AFF3: variants seen among roughly 807,000 people sequenced by gnomAD.
The protein encoded by AFF3 is AF4/FMR2 family member 3.
Under a neutral mutation model 129.7 loss-of-function variants are expected in AFF3, and 32 were observed. The ratio of observed to expected loss-of-function variants is 0.25; its 90% CI spans 0.19 to 0.33. AFF3 has a LOEUF of 0.33. Ranked by LOEUF, AFF3 falls within the 10% of genes least tolerant of loss-of-function variation. AFF3 has a pLI of 1.00. For synonymous variants in AFF3, 644 were observed against 635.4 expected (o/e 1.01, Z -0.20); for missense variants, 1,373 against 1,592.0 (o/e 0.86, Z 2.34).
chr2:99,737,261 T>G (rs1453830647), intron 10 of AFF3, among the ~76,000 whole-genome samples: 1 of 152,168 alleles, frequency 6.6e-6, no homozygotes, highest in Non-Finnish European at 1.5e-5. Context: ...TAACAATATA[T>G]TATTACTGGT....
chr2:100,043,275 G>A (rs933204185), intron 4 of AFF3, among the ~76,000 whole-genome samples: 6 of 152,252 alleles, frequency 3.9e-5, no homozygotes, highest in Non-Finnish European at 7.4e-5. Flanking sequence ...TCAATTTGGC[G>A]GTGAAAAACC....
intron 7 of AFF3, among the ~76,000 whole-genome samples, chr2:99,974,152 T>A (rs1248568567): frequency 6.6e-6 from 1 of 152,222 alleles, no homozygotes; most frequent in Non-Finnish European, 1.5e-5. Flanking sequence ...CTTTTCTAAA[T>A]GTCTATTTTC....
intron 1 of AFF3, among the ~76,000 whole-genome samples, chr2:100,130,583 C>T (rs964757805): frequency 2.6e-5 from 4 of 152,200 alleles, no homozygotes; most frequent in Non-Finnish European, 5.9e-5. Flanking sequence ...TATAGCAGTG[C>T]GTTGCCTAAG....
At chr2:99,716,154 T>A (rs1678362317) in intron 11 of AFF3, among the ~76,000 whole-genome samples, 1 of 152,186 alleles carries the variant, frequency 6.6e-6, no homozygotes, top group Non-Finnish European at 1.5e-5. Flanking sequence ...TGCCAAATTG[T>A]GGCCTTCATG....
intron 11 of AFF3, among the ~76,000 whole-genome samples, chr2:99,690,073 C>A (rs937978030): frequency 2.0e-5 from 3 of 149,702 alleles, no homozygotes; most frequent in African/African-American, 7.4e-5. Flanking sequence ...GGTGACAGAG[C>A]GAGACTCTGT....
intron 13 of AFF3, among the ~76,000 whole-genome samples, chr2:99,603,520 T>A (rs1212974090): frequency 6.6e-6 from 1 of 152,126 alleles, no homozygotes; most frequent in Non-Finnish European, 1.5e-5. Flanking sequence ...ACTAAAACTA[T>A]AAAACCCTTG....
chr2:99,551,294 G>A lies in AFF3; in HGVS notation c.*180C>T, dbSNP rs1674388361. On this transcript the variant is annotated 3_prime_UTR_variant, in exon 25 of 25. Coordinates refer to ENST00000672756, the MANE Select transcript of AFF3 (RefSeq NM_001386135.1). ...TGTATCTTACACACATACACAGGCGGCTTCTTATATACCCACACATACAAA... is the reference window on the plus strand; with the variant it reads ...TGTATCTTACACACATACACAGGCGACTTCTTATATACCCACACATACAAA... 7 of 794,330 alleles carry A rather than the reference G, an allele frequency of 8.8e-6. No homozygotes were observed. The highest frequency in any genetic ancestry group is 2.9e-5 in the Admixed American group (1 of 34,684). 49.2% of individuals were successfully genotyped at this position (794,330 alleles called of 1,614,324 possible).
In AFF3 at chr2:99,937,758, A is replaced by C. The variant is rs112110186; in HGVS notation, c.873+68874T>G. ...GTAATAGAATAACAGACTTTGCTTA[A>C]GGATGGTATGTCTAGTGACAACTGG... On this transcript the variant is annotated intron_variant, in intron 7 of 24. Coordinates refer to ENST00000672756, the MANE Select transcript of AFF3 (RefSeq NM_001386135.1). Among the ~76,000 whole-genome samples, 288 of 152,328 alleles carry C rather than the reference A, an allele frequency of 1.9e-3. 1 individual carries two copies. The highest frequency in any genetic ancestry group is 3.3e-3 in the South Asian group (16 of 4,832).
chr2:99,730,496 G>A (rs1252099185), intron 10 of AFF3, among the ~76,000 whole-genome samples: 1 of 151,538 alleles, frequency 6.6e-6, no homozygotes, highest in Non-Finnish European at 1.5e-5. Context: ...TCTGCACAGG[G>A]AAGTTTTGCT....
chr2:99,803,821 T>C (rs1258989476), intron 8 of AFF3, among the ~76,000 whole-genome samples: 1 of 151,828 alleles, frequency 6.6e-6, no homozygotes, highest in Non-Finnish European at 1.5e-5. Context: ...CACAAAAACA[T>C]AAATTGGAAA....
intron 10 of AFF3, among the ~76,000 whole-genome samples, chr2:99,727,916 C>T (rs926560438): frequency 6.6e-6 from 1 of 152,080 alleles, no homozygotes; most frequent in Non-Finnish European, 1.5e-5. Context: ...CCCAAGATCC[C>T]CCTATTTTAT....
intron 9 of AFF3, among the ~76,000 whole-genome samples, chr2:99,748,771 T>C (rs1456904114): frequency 6.6e-6 from 1 of 152,202 alleles, no homozygotes; most frequent in African/African-American, 2.4e-5. Flanking sequence ...AAACCGTACA[T>C]ATTTAAAGTT....
intron 14 of AFF3, among the ~76,000 whole-genome samples, 176 bp from the exon 15 acceptor site, chr2:99,594,465 C>G (rs1361981040): frequency 6.6e-6 from 1 of 152,164 alleles, no homozygotes; most frequent in Non-Finnish European, 1.5e-5. Context: ...ATGTGGCACT[C>G]AGGATGCCTG....
At position 99,601,638 on chromosome 2, in the gene AFF3, C is replaced by T; in HGVS notation, c.1185-17G>A. ...ACCACGGCGCTGCCAGCCCGCGAGG[C>T]CCCCGGGAAGCAGAGGGAAGGAAAG... is the stretch of plus-strand genomic sequence containing the variant. On this transcript the variant is annotated splice_polypyrimidine_tract_variant and intron_variant, in intron 13 of 24. Transcript: ENST00000672756. 1.3e-6 allele frequency: 2 copies of T among 1,582,954 alleles called. No homozygotes were observed. Among genetic ancestry groups the T allele is most frequent in the Non-Finnish European group, 1.7e-6 (2 of 1,170,512 alleles).
chr2:99,729,042 T>A (rs1266503527), intron 10 of AFF3, among the ~76,000 whole-genome samples: 5 of 152,162 alleles, frequency 3.3e-5, no homozygotes, highest in Admixed American at 6.5e-5. Flanking sequence ...GGAAGTATAT[T>A]TTTTTTCTCA....
At chr2:99,688,336 T>A (rs1332290160) in intron 11 of AFF3, among the ~76,000 whole-genome samples, 1 of 152,210 alleles carries the variant, frequency 6.6e-6, no homozygotes, top group Non-Finnish European at 1.5e-5. Flanking sequence ...CAAAGGCTTA[T>A]CATTACCTGT....
chr2:99,998,128 T>C (rs1681026463), intron 7 of AFF3, among the ~76,000 whole-genome samples: 1 of 152,186 alleles, frequency 6.6e-6, no homozygotes, highest in Non-Finnish European at 1.5e-5. Flanking sequence ...GGCATGACCC[T>C]GTGTGAGGTA....
chr2:99,873,566 GT>G (rs1475775253), intron 7 of AFF3, among the ~76,000 whole-genome samples: 1 of 152,116 alleles, frequency 6.6e-6, no homozygotes, highest in Non-Finnish European at 1.5e-5. Flanking sequence ...CGCAGTACAT[GT>G]CCTGCAGGGA....
chr2:99,866,514 G>A (rs1691409531), intron 7 of AFF3, among the ~76,000 whole-genome samples: 1 of 152,146 alleles, frequency 6.6e-6, no homozygotes, highest in African/African-American at 2.4e-5. Flanking sequence ...GAAACCAGAA[G>A]AAACTGCCAC....
Sources: gnomAD v4.1 joint callset for allele counts (sites outside exome capture counted in the v4.1 genomes callset) on GRCh38, gnomAD v4.1.1 for gene constraint, MANE v1.5 for transcripts, NCBI Gene and HGNC (gene_info 2026-07-23, HGNC 2026-07-21) for gene names.